CYP2C18: variants seen among roughly 807,000 people sequenced by gnomAD.
The protein encoded by CYP2C18 is cytochrome P450 family 2 subfamily C member 18, also known as cytochrome P450 2C18.
CYP2C18 carries 38 observed loss-of-function variants against 41.3 expected under a neutral mutation model. The observed-to-expected ratio is 0.92, with a 90% CI of 0.71 to 1.21. The LOEUF is 1.21. Among genes scored for constraint, CYP2C18 ranks in the 50% most tolerant of loss-of-function variants. CYP2C18 has a pLI of 0.00. For missense variants in CYP2C18, 635 were observed against 591.4 expected, an observed-to-expected ratio of 1.07 and a Z score of -0.77; for synonymous variants, 236 against 210.0, an observed-to-expected ratio of 1.12 and a Z score of -1.07.
At chr10:94,697,932 G>A (rs552715750) in intron 4 of CYP2C18, among the ~76,000 whole-genome samples, 11 of 152,068 alleles carry the variant, frequency 7.2e-5, no homozygotes, top group Non-Finnish European at 1.6e-4. Context: ...AAGAGCTAAC[G>A]ATCCTAAATA....
chr10:94,712,228 G>A (rs945077300), intron 5 of CYP2C18, among the ~76,000 whole-genome samples: 11 of 149,854 alleles, frequency 7.3e-5, no homozygotes, highest in African/African-American at 2.2e-4. Flanking sequence ...AAGGTGGATT[G>A]TACTCTATTA....
intron 5 of CYP2C18, among the ~76,000 whole-genome samples, 183 bp from the exon 6 acceptor site, chr10:94,720,213 G>C (rs183936416): frequency 1.3e-5 from 2 of 152,234 alleles, no homozygotes; most frequent in Non-Finnish European, 2.9e-5. Context: ...TGGATAAGTA[G>C]GAATGGGAAA....
chr10:94,724,512 C>A lies in CYP2C18; in HGVS notation c.1128C>A (p.Phe376Leu), dbSNP rs749048686. 4 of 1,613,490 alleles carry A rather than the reference C, an allele frequency of 2.5e-6. No homozygotes were observed. The highest frequency in any genetic ancestry group is 1.7e-4 in the Middle Eastern group (1 of 6,054). Residue 376 changes from phenylalanine to leucine, a missense_variant, in exon 7 of 9, where the codon TTC becomes TTA. Physicochemically the swap from Phe to Leu is conservative, Grantham distance 22 (BLOSUM62 0). Transcript: ENST00000285979. Reference protein sequence around the residue: ...LPHAVTCDVKFKNYLIPKGTT... With the variant: ...LPHAVTCDVKLKNYLIPKGTT... ...ATGCAGTGACCTGTGATGTTAAATT[C>A]AAAAACTACCTCATCCCCAAGGTAA...
chr10:94,701,770 T>A (rs903620626), intron 4 of CYP2C18, among the ~76,000 whole-genome samples: 22 of 152,176 alleles, frequency 1.4e-4, no homozygotes, highest in African/African-American at 4.6e-4. Context: ...AAAAGCACAC[T>A]AAGCTGGGAG....
intron 4 of CYP2C18, among the ~76,000 whole-genome samples, chr10:94,696,097 A>T (rs542327327): frequency 3.9e-5 from 6 of 152,266 alleles, no homozygotes; most frequent in African/African-American, 1.4e-4. Flanking sequence ...AACTCTGCAG[A>T]CTTAAATGTC....
rs185914196 is a variant in CYP2C18, at chr10:94,701,548, A to G, written c.643-5236A>G. On this transcript the variant is annotated intron_variant, in intron 4 of 8. Transcript: ENST00000285979. Reference sequence around the variant, plus strand: ...AAGAGTTAATGGGTGCAGCACACCAACATGGCACATGTATACATATGTAAC... The same window carrying G: ...AAGAGTTAATGGGTGCAGCACACCAGCATGGCACATGTATACATATGTAAC... Among the ~76,000 whole-genome samples, 751 of 152,290 alleles carry G rather than the reference A, an allele frequency of 4.9e-3. 25 individuals carry two copies. Among genetic ancestry groups the G allele is most frequent in the Non-Finnish European group, 6.9e-4 (47 of 68,032 alleles).
Position 94,683,908 on chromosome 10 carries a change from C to A in CYP2C18, c.89C>A (p.Pro30Gln), listed in dbSNP as rs760964416. The A allele has an allele frequency of 1.6e-5, 26 of 1,611,070 alleles. No homozygotes were observed. The African/African-American group carries it at 3.2e-4, about 20-fold the overall frequency. Residue 30 changes from proline (P) to glutamine (Q), a missense_variant, in exon 1 of 9, where the codon CCG becomes CAG. Pro to Gln is a moderately conservative substitution (Grantham distance 76). Transcript: ENST00000285979. ...CAGAGCTCTGGAAGAGGGAGGCTCC[C>A]GTCTGGCCCCACTCCTCTCCCGATT... ...WRQSSGRGRL[P>Q]SGPTPLPIIG...
At position 94,716,039 on chromosome 10, in the gene CYP2C18, A is replaced by C. The variant is rs181036203; in HGVS notation, c.820-4357A>C. Among the ~76,000 whole-genome samples the C allele has an allele frequency of 4.7e-4, 72 of 151,900 alleles. No homozygotes were observed. The East Asian group carries it at 0.013, about 28-fold the overall frequency. On this transcript the variant is annotated intron_variant, in intron 5 of 8. Coordinates refer to ENST00000285979, the MANE Select transcript of CYP2C18 (RefSeq NM_000772.3). ...GGGATCAGTGGTGATATCCCCTTTA[A>C]CATTTTTTATTGCATCTATTTGATT...
At chr10:94,727,426 G>C (rs969525990) in intron 7 of CYP2C18, among the ~76,000 whole-genome samples, 34 of 152,018 alleles carry the variant, frequency 2.2e-4, no homozygotes, top group Non-Finnish European at 5.0e-4. Flanking sequence ...GCCAGCCTGA[G>C]CAACATAGTG....
intron 4 of CYP2C18, among the ~76,000 whole-genome samples, chr10:94,697,120 A>T (rs1847132560): frequency 6.6e-6 from 1 of 152,212 alleles, no homozygotes; most frequent in Non-Finnish European, 1.5e-5. Flanking sequence ...AATTCAGGAA[A>T]TACAGAGAAT....
rs761294693 is a variant in CYP2C18, at chr10:94,695,080, G to C, written c.642+3G>C. On this transcript the variant is annotated splice_donor_region_variant and intron_variant, in intron 4 of 8. Coordinates refer to ENST00000285979, the MANE Select transcript of CYP2C18 (RefSeq NM_000772.3). ...TTCTGAGCTCTCCATGGATCCAGGT[G>C]AGATCAAGAGCTTCTCTTCCTGAGA... is the stretch of plus-strand genomic sequence containing the variant. 3 of 1,597,414 alleles carry C rather than the reference G, an allele frequency of 1.9e-6. No individual in the cohort carries two copies. The South Asian group carries it at 3.4e-5, about 18-fold the overall frequency.
chr10:94,686,099 T>G (rs1846882774), intron 1 of CYP2C18, among the ~76,000 whole-genome samples: 1 of 152,138 alleles, frequency 6.6e-6, no homozygotes, highest in African/African-American at 2.4e-5. Context: ...AGTATATAGA[T>G]CTTTCTCTTC....
chr10:94,729,407 A>G (rs1485020230), intron 7 of CYP2C18, among the ~76,000 whole-genome samples: 1 of 152,182 alleles, frequency 6.6e-6, no homozygotes, highest in Non-Finnish European at 1.5e-5. Context: ...AGATTAGGAC[A>G]TGGGTAATCT....
intron 4 of CYP2C18, among the ~76,000 whole-genome samples, chr10:94,705,138 A>G (rs1190580714): frequency 6.6e-6 from 1 of 152,190 alleles, no homozygotes; most frequent in African/African-American, 2.4e-5. Context: ...GCAAATAAAC[A>G]TACCACAAAG....
intron 1 of CYP2C18, among the ~76,000 whole-genome samples, chr10:94,686,024 C>A (rs2134172954): frequency 6.6e-6 from 1 of 152,186 alleles, no homozygotes; most frequent in Middle Eastern, 3.4e-3. Context: ...AATCCATGAA[C>A]ATGGGATATC....
intron 7 of CYP2C18, among the ~76,000 whole-genome samples, chr10:94,727,262 C>T (rs536917389): frequency 2.0e-5 from 3 of 152,106 alleles, no homozygotes; most frequent in Admixed American, 6.5e-5. Context: ...CATTTACTTG[C>T]GTGGAGTGAA....
chr10:94,707,741 T>C (rs1039337823), intron 5 of CYP2C18, among the ~76,000 whole-genome samples: 2 of 152,194 alleles, frequency 1.3e-5, no homozygotes, highest in African/African-American at 4.8e-5. Context: ...TAAAATCAAG[T>C]TGTCCATTTT....
At chr10:94,720,925 A>G (rs1209187941) in intron 6 of CYP2C18, among the ~76,000 whole-genome samples, 1 of 152,182 alleles carries the variant, frequency 6.6e-6, no homozygotes, top group Non-Finnish European at 1.5e-5. Context: ...TGAAATGAGT[A>G]GAAATTTTAT....
intron 4 of CYP2C18, among the ~76,000 whole-genome samples, chr10:94,695,574 A>G (rs576018215): frequency 6.6e-6 from 1 of 152,228 alleles, no homozygotes; most frequent in East Asian, 1.9e-4. Flanking sequence ...AAGACAGATG[A>G]TTTCTGCATT....
Sources: gnomAD v4.1 joint callset for allele counts (sites outside exome capture counted in the v4.1 genomes callset) on GRCh38, gnomAD v4.1.1 for gene constraint, MANE v1.5 for transcripts, NCBI Gene and HGNC (gene_info 2026-07-23, HGNC 2026-07-21) for gene names.